FNBP1: variants seen among roughly 807,000 people sequenced by gnomAD.
The protein encoded by FNBP1 is formin binding protein 1, also known as formin-binding protein 1.
In FNBP1, 26 loss-of-function variants were observed where a neutral mutation model predicts 90.6. The ratio of observed to expected loss-of-function variants is 0.29; its 90% CI spans 0.21 to 0.40. The LOEUF is 0.40. Among genes scored for constraint, FNBP1 ranks in the 10% least tolerant of loss-of-function variants. The probability of loss-of-function intolerance (pLI) is 1.00; values close to 1 mark genes in which losing one functional copy is unlikely to be tolerated. For missense variants in FNBP1, 635 were observed against 768.0 expected (o/e 0.83, Z 2.05); for synonymous variants, 260 against 265.2 (o/e 0.98, Z 0.19).
At chr9:130,033,709 C>A (rs536842) in intron 1 of FNBP1, among the ~76,000 whole-genome samples, 84,336 of 151,132 alleles carry the variant, frequency 0.56, 23,696 homozygotes, top group East Asian at 0.82. Context: ...TTAGCCAGGC[C>A]GGGCTGGGCA....
At chr9:129,993,885 A>G (rs1469330385) in intron 2 of FNBP1, among the ~76,000 whole-genome samples, 2 of 152,120 alleles carry the variant, frequency 1.3e-5, no homozygotes, top group South Asian at 2.1e-4. Flanking sequence ...TTTGCCTCCC[A>G]AAGTGCTGGG....
intron 6 of FNBP1, among the ~76,000 whole-genome samples, chr9:129,930,880 A>C (rs2042631113): frequency 1.3e-5 from 2 of 152,220 alleles, no homozygotes. Context: ...TTTGGTCTTT[A>C]AGTGACCTGG....
At chr9:129,910,496 A>AT (rs1419952628) in intron 11 of FNBP1, among the ~76,000 whole-genome samples, 1 of 146,644 alleles carries the variant, frequency 6.8e-6, no homozygotes. Flanking sequence ...AAACAAAAAA[A>AT]AAAAAAAAAG....
At chr9:130,024,289 C>T (rs2058131969) in intron 1 of FNBP1, among the ~76,000 whole-genome samples, 1 of 151,818 alleles carries the variant, frequency 6.6e-6, no homozygotes, top group South Asian at 2.1e-4. Flanking sequence ...AAGAAATTTA[C>T]AAAATTAAAA....
chr9:130,011,619 C>A (rs1432060679), intron 1 of FNBP1, among the ~76,000 whole-genome samples: 3 of 152,062 alleles, frequency 2.0e-5, no homozygotes. Context: ...GAGGAATGGG[C>A]CTTCACCAGT....
At chr9:129,946,209 T>A (rs570070004) in intron 6 of FNBP1, among the ~76,000 whole-genome samples, 1 of 152,302 alleles carries the variant, frequency 6.6e-6, no homozygotes, top group Non-Finnish European at 1.5e-5. Context: ...TTATTTTTTA[T>A]AATTTACATC....
At chr9:129,907,798 G>A (rs552883787) in intron 12 of FNBP1, among the ~76,000 whole-genome samples, 5 of 151,054 alleles carry the variant, frequency 3.3e-5, no homozygotes, top group South Asian at 4.2e-4. Context: ...GCGCAATCTC[G>A]GCTCACTGCA....
intron 1 of FNBP1, among the ~76,000 whole-genome samples, chr9:130,003,357 A>G (rs151252242): frequency 1.3e-5 from 2 of 152,204 alleles, no homozygotes; most frequent in Admixed American, 1.3e-4. Context: ...TAATCTCAGC[A>G]GTTAGGGAGG....
At chr9:130,053,222 G>A in the FNBP1 span, among the ~76,000 whole-genome samples, 3 of 152,214 alleles carry the variant, frequency 2.0e-5, no homozygotes, top group Admixed American at 6.5e-5. Context: ...GAAATAGCAT[G>A]AGGCAACAGA....
intron 1 of FNBP1, among the ~76,000 whole-genome samples, chr9:130,036,676 AT>A (rs1454240195): frequency 6.6e-6 from 1 of 152,154 alleles, no homozygotes; most frequent in Non-Finnish European, 1.5e-5. Context: ...CCTACCCACC[AT>A]GGTTCAGGGA....
At chr9:130,014,683 A>G (rs2057038962) in intron 1 of FNBP1, among the ~76,000 whole-genome samples, 1 of 152,114 alleles carries the variant, frequency 6.6e-6, no homozygotes, top group Non-Finnish European at 1.5e-5. Flanking sequence ...TTATTAGTTT[A>G]CAATTTGGTT....
intron 1 of FNBP1, among the ~76,000 whole-genome samples, chr9:130,029,660 A>G (rs1224033665): frequency 6.6e-6 from 1 of 152,194 alleles, no homozygotes; most frequent in Middle Eastern, 3.2e-3. Flanking sequence ...GCCACATCAA[A>G]ACTACCTAGA....
intron 6 of FNBP1, among the ~76,000 whole-genome samples, chr9:129,943,019 A>G (rs1202604292): frequency 6.6e-6 from 1 of 151,702 alleles, no homozygotes; most frequent in Non-Finnish European, 1.5e-5. Context: ...TCTTTCACAA[A>G]CTGTTCTCAT....
At chr9:129,905,280 G>A (rs1234500592) in intron 12 of FNBP1, among the ~76,000 whole-genome samples, 8 of 84,978 alleles carry the variant, frequency 9.4e-5, no homozygotes, top group African/African-American at 2.8e-4. Context: ...TGAATTGTGT[G>A]TGTGTGTGTG....
intron 4 of FNBP1, among the ~76,000 whole-genome samples, chr9:129,970,268 C>T (rs572095725): frequency 4.6e-5 from 7 of 151,578 alleles, no homozygotes; most frequent in African/African-American, 1.5e-4. Context: ...TGCAGTGGCG[C>T]GTTCTCGGCT....
At chr9:130,017,938 GAGTTTC>G (rs2057417982) in intron 1 of FNBP1, among the ~76,000 whole-genome samples, 1 of 109,626 alleles carries the variant, frequency 9.1e-6, no homozygotes, top group Non-Finnish European at 1.7e-5. Context: ...TTTTGAGACA[GAGTTTC>G]ACTCTGTCGC....
chr9:129,927,953 C>G lies in FNBP1; in HGVS notation c.643-612G>C, dbSNP rs56134433. ...TTTTATTACTAACACTATTTGTAATCTACCTCAAACGTTTTCTCCATCTTT... is the reference window on the plus strand; with the variant it reads ...TTTTATTACTAACACTATTTGTAATGTACCTCAAACGTTTTCTCCATCTTT... On this transcript the variant is annotated intron_variant, in intron 7 of 16. Coordinates refer to ENST00000446176, the MANE Select transcript of FNBP1 (RefSeq NM_015033.3). 2.8e-3 allele frequency among the ~76,000 whole-genome samples: 429 copies of G among 152,230 alleles called. 1 individual carries two copies. The highest frequency in any genetic ancestry group is 0.01 in the Middle Eastern group (3 of 294).
chr9:129,940,965 A>AT (rs2044239370), intron 6 of FNBP1, among the ~76,000 whole-genome samples: 1 of 152,138 alleles, frequency 6.6e-6, no homozygotes, highest in African/African-American at 2.4e-5. Flanking sequence ...TAGGAACCCC[A>AT]AACAGAATAA....
At chr9:129,936,073 T>C (rs2043413030) in intron 6 of FNBP1, among the ~76,000 whole-genome samples, 1 of 152,184 alleles carries the variant, frequency 6.6e-6, no homozygotes, top group Non-Finnish European at 1.5e-5. Flanking sequence ...TCCAGAGCTT[T>C]TGGAAAGCTG....
Sources: gnomAD v4.1 joint callset for allele counts (sites outside exome capture counted in the v4.1 genomes callset) on GRCh38, gnomAD v4.1.1 for gene constraint, MANE v1.5 for transcripts, NCBI Gene and HGNC (gene_info 2026-07-23, HGNC 2026-07-21) for gene names.